The following SLC12A1 variants were observed in gnomAD, a reference collection of about 807,000 sequenced individuals.
The protein encoded by SLC12A1 is Na-K-2Cl cotransporter.
Under a neutral mutation model 130.4 loss-of-function variants are expected in SLC12A1, and 89 were observed. The observed-to-expected ratio is 0.68, with a 90% CI of 0.58 to 0.81. The LOEUF (loss-of-function observed/expected upper bound fraction) is 0.81, where lower values mean the gene tolerates loss of function less well. Among genes scored for constraint, SLC12A1 ranks in the 40% least tolerant of loss-of-function variants. The pLI is 0.00. For missense variants in SLC12A1, 1,310 were observed against 1,336.4 expected (o/e 0.98, Z 0.31); for synonymous variants, 499 against 460.0 (o/e 1.08, Z -1.09).
chr15:48,224,604 G>GTAGA (rs1329819173), intron 4 of SLC12A1: 1 of 152,188 alleles, frequency 6.6e-6, no homozygotes, highest in African/African-American at 2.4e-5. Context: ...AGCTTGTTGT[G>GTAGA]TAGATGCCTG....
Position 48,232,779 on chromosome 15 carries a change from T to C in SLC12A1, c.1028T>C (p.Ile343Thr), listed in dbSNP as rs892413387. The change falls in exon 8 of 27, where the codon ATT (isoleucine) becomes ACT (threonine). Residue 343 changes from isoleucine to threonine, a missense_variant. By Grantham distance (89) the Ile-to-Thr change is moderately conservative (BLOSUM62 -1). Coordinates refer to ENST00000380993, the MANE Select transcript of SLC12A1 (RefSeq NM_000338.3). ...CTAATTGCTATTGCAAACTTCTTCA[T>C]TGGAACTGTCATTCCATCCAACAAT... ...ILLIAIANFF[I>T]GTVIPSNNEK... 4.3e-6 allele frequency: 7 copies of C among 1,613,672 alleles called. No individual in the cohort carries two copies. Among genetic ancestry groups the C allele is most frequent in the Admixed American group, 1.7e-5 (1 of 60,030 alleles).
Position 48,206,319 on chromosome 15 carries a change from G to C in SLC12A1, c.-198G>C, listed in dbSNP as rs1457659059. 1 of 152,176 alleles carries C rather than the reference G, an allele frequency of 6.6e-6. No homozygotes were observed. The highest frequency in any genetic ancestry group is 1.5e-5 in the Non-Finnish European group (1 of 68,042). The allele number at this position is 152,176 out of a possible 1,614,324, so 9.4% of individuals were successfully genotyped here. On this transcript the variant is annotated 5_prime_UTR_variant, in exon 1 of 27. Coordinates refer to ENST00000380993, the MANE Select transcript of SLC12A1 (RefSeq NM_000338.3). ...AGCAGGTTACATTTCCTCAGAAGAAGGCTCCTTGGTGGTAAGTTGAACATT... is the reference window on the plus strand; with the variant it reads ...AGCAGGTTACATTTCCTCAGAAGAACGCTCCTTGGTGGTAAGTTGAACATT...
Position 48,220,694 on chromosome 15 carries a change from G to A in SLC12A1, c.481G>A (p.Asp161Asn), listed in dbSNP as rs756303936. 1 of 1,613,858 alleles carries A rather than the reference G, an allele frequency of 6.2e-7. No individual in the cohort carries two copies. Among genetic ancestry groups the A allele is most frequent in the Non-Finnish European group, 8.5e-7 (1 of 1,179,808 alleles). ...TGCTAACGGTGATGGGATACCTGGA[G>A]ATGAACAAGCTGAAAATAAGGAAGA... ...RVANGDGIPG[D>N]EQAENKEDDQ... The change falls in exon 3 of 27, where the codon GAT (aspartate) becomes AAT (asparagine). Residue 161 changes from aspartate (D) to asparagine (N), a missense_variant. Physicochemically the swap from Asp to Asn is conservative, Grantham distance 23. Coordinates refer to ENST00000380993, the MANE Select transcript of SLC12A1 (RefSeq NM_000338.3).
At chr15:48,266,018 C>T (rs1027782020) in intron 17 of SLC12A1, among the ~76,000 whole-genome samples, 1 of 152,008 alleles carries the variant, frequency 6.6e-6, no homozygotes, top group African/African-American at 2.4e-5. Flanking sequence ...CTTTGAAATC[C>T]AGTGTGTAGT....
At chr15:48,247,834 A>G (rs1313900587) in intron 13 of SLC12A1, among the ~76,000 whole-genome samples, 2 of 152,214 alleles carry the variant, frequency 1.3e-5, no homozygotes, top group African/African-American at 4.8e-5. Flanking sequence ...TCCACTGACC[A>G]TCTATATCGC....
At chr15:48,262,230 C>A (rs546705721) in intron 17 of SLC12A1, among the ~76,000 whole-genome samples, 25 of 152,154 alleles carry the variant, frequency 1.6e-4, no homozygotes, top group Non-Finnish European at 3.2e-4. Context: ...CCACTAATCA[C>A]AAGACAGCAG....
chr15:48,241,367 C>A, intron 9 of SLC12A1, 148 bp from the exon 10 acceptor site: 1 of 673,218 alleles, frequency 1.5e-6, no homozygotes, highest in Non-Finnish European at 2.7e-6. Flanking sequence ...AAAGCTCAAG[C>A]TCATCAACTT....
intron 2 of SLC12A1, among the ~76,000 whole-genome samples, chr15:48,218,464 A>G (rs1023198024): frequency 1.3e-5 from 2 of 152,146 alleles, no homozygotes; most frequent in Admixed American, 6.5e-5. Flanking sequence ...ATAGAGGCCA[A>G]ATGAGGGCAG....
chr15:48,220,601 A>G lies in SLC12A1; in HGVS notation c.421-33A>G, dbSNP rs778187728. 4.4e-6 allele frequency: 7 copies of G among 1,597,850 alleles called. No homozygotes were observed. In the South Asian group the frequency reaches 8.0e-5, roughly 18 times the overall value. ...TCATGGAACCCTTTGTTCATTGACC[A>G]ACTACTGTGTTTTTGCTATCTATAA... On this transcript the variant is annotated intron_variant, in intron 2 of 26. Coordinates refer to ENST00000380993, the MANE Select transcript of SLC12A1 (RefSeq NM_000338.3).
At chr15:48,251,490 G>T in intron 14 of SLC12A1, 125 bp from the exon 15 acceptor site, 1 of 740,308 alleles carries the variant, frequency 1.4e-6, no homozygotes, top group Non-Finnish European at 2.3e-6. Context: ...CACAGATTCT[G>T]GAACTTGGCC....
chr15:48,225,391 G>A (rs1248706656), intron 4 of SLC12A1: 1 of 152,142 alleles, frequency 6.6e-6, no homozygotes, highest in East Asian at 1.9e-4. Context: ...GCTTGGAATT[G>A]TAGGCCAATT....
chr15:48,235,944 T>A (rs2041434772), intron 9 of SLC12A1, among the ~76,000 whole-genome samples: 1 of 152,152 alleles, frequency 6.6e-6, no homozygotes. Flanking sequence ...TAGGCCAGAA[T>A]TTAGCCTTGT....
intron 20 of SLC12A1, among the ~76,000 whole-genome samples, chr15:48,280,772 T>A (rs982264198): frequency 2.0e-5 from 3 of 152,238 alleles, no homozygotes; most frequent in Admixed American, 6.5e-5. Flanking sequence ...TATCTGCCCC[T>A]TTTTTATATA....
At chr15:48,261,076 T>G (rs1379064088) in intron 17 of SLC12A1, among the ~76,000 whole-genome samples, 1 of 152,186 alleles carries the variant, frequency 6.6e-6, no homozygotes, top group African/African-American at 2.4e-5. Flanking sequence ...TCTCATATTA[T>G]CAACTCTGGT....
intron 20 of SLC12A1, among the ~76,000 whole-genome samples, chr15:48,279,868 A>T (rs181281635): frequency 1.6e-4 from 24 of 152,326 alleles, no homozygotes; most frequent in Non-Finnish European, 2.6e-4. Context: ...GTAAATAATT[A>T]CTTGATTAGA....
chr15:48,281,731 G>T (rs1044375891), intron 20 of SLC12A1, among the ~76,000 whole-genome samples: 28 of 152,174 alleles, frequency 1.8e-4, no homozygotes, highest in African/African-American at 6.8e-4. Flanking sequence ...TGTAGAAAGG[G>T]CTTTGTAATT....
Position 48,271,548 on chromosome 15 carries a change from T to C in SLC12A1, c.2402+1784T>C, listed in dbSNP as rs139660529. ...TATTTATGCAACATATTAACAAAAG[T>C]ACTCTTAGTTCTACTGAAAGGAAGC... On this transcript the variant is annotated intron_variant, in intron 19 of 26. Coordinates refer to ENST00000380993, the MANE Select transcript of SLC12A1 (RefSeq NM_000338.3). Among the ~76,000 whole-genome samples, 737 of 152,328 alleles carry C rather than the reference T, an allele frequency of 4.8e-3. 8 individuals carry two copies. The highest frequency in any genetic ancestry group is 0.044 in the Middle Eastern group (13 of 294).
intron 21 of SLC12A1, among the ~76,000 whole-genome samples, chr15:48,286,150 C>T (rs2042055226): frequency 1.3e-5 from 2 of 152,136 alleles, no homozygotes; most frequent in African/African-American, 4.8e-5. Context: ...CCATCTCCTA[C>T]CCTGTAAATC....
chr15:48,227,264 C>G lies in SLC12A1; in HGVS notation c.724+693C>G, dbSNP rs185220516. On this transcript the variant is annotated intron_variant, in intron 5 of 26. Transcript: ENST00000380993. Reference sequence around the variant, plus strand: ...TATTGGAAGTGAAAGTAACATATTGCTAATTAGTCCCCAGTGTCCTAAACA... The same window carrying G: ...TATTGGAAGTGAAAGTAACATATTGGTAATTAGTCCCCAGTGTCCTAAACA... The G allele has an allele frequency of 2.1e-3, 1,994 of 964,814 alleles. 16 individuals are homozygous for G. Among genetic ancestry groups the G allele is most frequent in the Middle Eastern group, 0.011 (44 of 3,884 alleles). The allele number at this position is 964,814 out of a possible 1,614,324, so 59.8% of individuals were successfully genotyped here.
Sources: allele counts gnomAD v4.1 joint callset (sites outside exome capture counted in the v4.1 genomes callset), GRCh38; gene constraint gnomAD v4.1.1; transcripts MANE v1.5; gene names NCBI Gene and HGNC (gene_info 2026-07-23, HGNC 2026-07-21).